Variants in PALM2AKAP2 observed in about 807,000 individuals in gnomAD.
PALM2AKAP2 encodes PALM2-AKAP2 fusion protein.
Under a neutral mutation model 71.5 loss-of-function variants are expected in PALM2AKAP2, and 37 were observed. That is an observed-to-expected ratio of 0.52 (90% CI 0.40 to 0.68). The LOEUF is 0.68. PALM2AKAP2 is among the 30% of genes least tolerant of loss of function. PALM2AKAP2 has a pLI of 0.00. For missense variants in PALM2AKAP2, 1,224 were observed against 1,191.8 expected (o/e 1.03, Z -0.40); for synonymous variants, 468 against 478.8 (o/e 0.98, Z 0.29).
intron 1 of PALM2AKAP2, among the ~76,000 whole-genome samples, chr9:109,746,429 T>C (rs572057969): frequency 5.4e-4 from 83 of 152,304 alleles, no homozygotes; most frequent in Middle Eastern, 3.4e-3. Context: ...CCCAAATAAA[T>C]GGAAGAAATG....
chr9:109,923,954 C>A, intron 4 of PALM2AKAP2, 105 bp downstream of exon 4: 1 of 1,177,962 alleles, frequency 8.5e-7, no homozygotes, highest in Non-Finnish European at 1.2e-6. Context: ...GATGAGAAAT[C>A]TGAGCCACGA....
intron 7 of PALM2AKAP2, among the ~76,000 whole-genome samples, chr9:110,032,750 AT>A (rs1668310959): frequency 6.9e-6 from 1 of 145,572 alleles, no homozygotes; most frequent in Non-Finnish European, 1.5e-5. Context: ...AAAATAAAAA[AT>A]AAAAAAACAA....
chr9:110,131,125 T>C (rs1835725393), intron 1 of PALM2AKAP2, among the ~76,000 whole-genome samples: 1 of 152,136 alleles, frequency 6.6e-6, no homozygotes, highest in East Asian at 1.9e-4. Flanking sequence ...TTAAACTAAT[T>C]CCAGAAGCAC....
intron 6 of PALM2AKAP2, among the ~76,000 whole-genome samples, chr9:109,971,824 A>G (rs935214662): frequency 6.6e-5 from 10 of 152,074 alleles, no homozygotes; most frequent in African/African-American, 2.4e-4. Flanking sequence ...CATGTGACCC[A>G]CTGCACACTA....
chr9:109,925,423 C>T (rs1286786516), intron 5 of PALM2AKAP2, among the ~76,000 whole-genome samples: 1 of 151,928 alleles, frequency 6.6e-6, no homozygotes, highest in Non-Finnish European at 1.5e-5. Flanking sequence ...TAGGGATGAG[C>T]CCATTTGTCT....
rs536988899 is a variant in PALM2AKAP2, at chr9:109,722,741, C to T, written c.6-57747C>T. On this transcript the variant is annotated intron_variant, in intron 1 of 6. Transcript: ENST00000374531. ...GAGCCTTGGTTGCATCACTGCACTC[C>T]AGCCTGGTAGACAGAGTGAGACCCT... is the stretch of plus-strand genomic sequence containing the variant. Among the ~76,000 whole-genome samples, 251 of 152,156 alleles carry T rather than the reference C, an allele frequency of 1.6e-3. 4 individuals are homozygous for T. Among genetic ancestry groups the T allele is most frequent in the Non-Finnish European group, 9.3e-4 (63 of 68,032 alleles).
intron 1 of PALM2AKAP2, chr9:109,847,762 G>C (rs1025432209): frequency 6.6e-6 from 1 of 150,602 alleles, no homozygotes. Flanking sequence ...AAAATCTATT[G>C]TTTTAAGCCA....
intron 1 of PALM2AKAP2, among the ~76,000 whole-genome samples, chr9:109,649,524 A>AT (rs889269066): frequency 3.3e-4 from 50 of 152,218 alleles, no homozygotes; most frequent in African/African-American, 1.2e-3. Context: ...CATGTATCCA[A>AT]TTTTTTTGAA....
At chr9:110,146,175 G>A (rs1009202634) in intron 2 of PALM2AKAP2, among the ~76,000 whole-genome samples, 1 of 152,028 alleles carries the variant, frequency 6.6e-6, no homozygotes, top group African/African-American at 2.4e-5. Flanking sequence ...TGGGATTTGG[G>A]ATTACAGGCG....
intron 6 of PALM2AKAP2, among the ~76,000 whole-genome samples, chr9:109,953,494 T>C (rs1564231134): frequency 6.6e-6 from 1 of 152,098 alleles, no homozygotes; most frequent in Non-Finnish European, 1.5e-5. Context: ...ACCTCAGTTG[T>C]CTTTACTTCC....
At chr9:110,131,691 G>A (rs1835738688) in intron 1 of PALM2AKAP2, among the ~76,000 whole-genome samples, 1 of 152,144 alleles carries the variant, frequency 6.6e-6, no homozygotes, top group Admixed American at 6.5e-5. Flanking sequence ...TGGAACTCAG[G>A]AATTCGCTCT....
intron 1 of PALM2AKAP2, among the ~76,000 whole-genome samples, chr9:109,785,453 A>T (rs925273378): frequency 2.0e-5 from 3 of 152,190 alleles, no homozygotes; most frequent in African/African-American, 7.2e-5. Flanking sequence ...CCTGACTCCC[A>T]ATTCTTGTAT....
At chr9:110,136,547 G>A (rs2119102141) in exon 2 of PALM2AKAP2, 1 of 1,613,394 alleles carries the variant, frequency 6.2e-7, no homozygotes, top group Non-Finnish European at 8.5e-7. Context: ...AGAACCCACT[G>A]AAAGAACAGC....
At chr9:109,726,520 G>A (rs1197615569) in intron 1 of PALM2AKAP2, among the ~76,000 whole-genome samples, 3 of 152,224 alleles carry the variant, frequency 2.0e-5, no homozygotes, top group African/African-American at 4.8e-5. Flanking sequence ...CAGAGATTCT[G>A]TGAGTGACTT....
At chr9:110,059,422 G>A (rs58662583) in intron 1 of PALM2AKAP2, among the ~76,000 whole-genome samples, 6,619 of 152,224 alleles carry the variant, frequency 0.043, 461 homozygotes, top group African/African-American at 0.14. Context: ...TACTAGAATA[G>A]TCATTTTCTA....
intron 6 of PALM2AKAP2, among the ~76,000 whole-genome samples, chr9:109,940,212 A>G (rs1312462457): frequency 6.6e-6 from 1 of 152,218 alleles, no homozygotes; most frequent in Non-Finnish European, 1.5e-5. Flanking sequence ...TTGGGCAAGA[A>G]ACTAACCCTC....
upstream of PALM2AKAP2, among the ~76,000 whole-genome samples, chr9:110,045,218 T>C (rs930964298): frequency 2.0e-5 from 3 of 152,218 alleles, no homozygotes; most frequent in Admixed American, 1.3e-4. Flanking sequence ...CTTGATGGTA[T>C]AGGGCCTGTG....
intron 1 of PALM2AKAP2, among the ~76,000 whole-genome samples, chr9:109,687,379 C>A (rs147890570): frequency 1.3e-5 from 2 of 152,296 alleles, no homozygotes; most frequent in Non-Finnish European, 2.9e-5. Context: ...AGTGAAGCCA[C>A]CTTCATTCCT....
intron 6 of PALM2AKAP2, among the ~76,000 whole-genome samples, chr9:110,012,043 C>A (rs1380981131): frequency 1.3e-5 from 2 of 152,216 alleles, no homozygotes; most frequent in African/African-American, 4.8e-5. Flanking sequence ...GCCTGTAATC[C>A]CAACACTTTG....
Sources: allele counts gnomAD v4.1 joint callset (sites outside exome capture counted in the v4.1 genomes callset), GRCh38; gene constraint gnomAD v4.1.1; transcripts MANE v1.5; gene names NCBI Gene and HGNC (gene_info 2026-07-23, HGNC 2026-07-21).